PCOLCE2: variants seen among roughly 807,000 people sequenced by gnomAD.
The protein encoded by PCOLCE2 is procollagen C-proteinase enhancer 2.
A neutral mutation model predicts 47.0 loss-of-function variants in PCOLCE2; 42 were observed. That is an observed-to-expected ratio of 0.89 (90% CI 0.70 to 1.16). The LOEUF is 1.16. PCOLCE2 is among the 50% of genes most tolerant of loss of function. The pLI is 0.00. For synonymous variants in PCOLCE2, 169 were observed against 191.7 expected (o/e 0.88, Z 0.98); for missense variants, 500 against 526.1 (o/e 0.95, Z 0.49).
chr3:142,826,952 A>C (rs1937086794), intron 6 of PCOLCE2: 2 of 479,124 alleles, frequency 4.2e-6, no homozygotes, highest in Admixed American at 3.5e-5. Flanking sequence ...AAGTTTCTAG[A>C]GGGTTAATCT....
chr3:142,832,037 A>G (rs1937157305), intron 5 of PCOLCE2, among the ~76,000 whole-genome samples: 2 of 152,260 alleles, frequency 1.3e-5, no homozygotes, highest in African/African-American at 4.8e-5. Flanking sequence ...GCAAATCCCA[A>G]GAACGGACTG....
chr3:142,820,029 G>A (rs1409300907), intron 8 of PCOLCE2, among the ~76,000 whole-genome samples: 1 of 152,064 alleles, frequency 6.6e-6, no homozygotes, highest in African/African-American at 2.4e-5. Flanking sequence ...AAAAATTGCA[G>A]AACTTGTGTG....
chr3:142,854,508 C>T (rs1238930974), intron 2 of PCOLCE2, among the ~76,000 whole-genome samples: 1 of 152,172 alleles, frequency 6.6e-6, no homozygotes, highest in Non-Finnish European at 1.5e-5. Flanking sequence ...TATTTCAATA[C>T]TACTCTTGTA....
intron 2 of PCOLCE2, chr3:142,887,345 A>G (rs1185916667): frequency 5.0e-6 from 1 of 198,754 alleles, no homozygotes; most frequent in East Asian, 1.2e-4. Flanking sequence ...TATGAAGGTC[A>G]TTACAACAGG....
chr3:142,843,257 A>G, intron 3 of PCOLCE2: 1 of 641,662 alleles, frequency 1.6e-6, no homozygotes, highest in Non-Finnish European at 2.9e-6. Context: ...GACATAGCAT[A>G]GCAACACGAG....
At chr3:142,857,723 G>A (rs1264945706) in intron 2 of PCOLCE2, among the ~76,000 whole-genome samples, 1 of 152,182 alleles carries the variant, frequency 6.6e-6, no homozygotes, top group Non-Finnish European at 1.5e-5. Flanking sequence ...CTCCTCTAAT[G>A]TTTGAAGCTG....
chr3:142,826,198 G>T (rs1017383577), intron 6 of PCOLCE2, among the ~76,000 whole-genome samples: 6 of 151,822 alleles, frequency 4.0e-5, no homozygotes, highest in African/African-American at 1.5e-4. Context: ...TAGTAGAGGC[G>T]GGGTTTCACC....
At chr3:142,856,567 A>C (rs1039374373) in intron 2 of PCOLCE2, among the ~76,000 whole-genome samples, 3 of 152,206 alleles carry the variant, frequency 2.0e-5, no homozygotes, top group African/African-American at 7.2e-5. Flanking sequence ...TGCCAAGTGG[A>C]AAGGCAAATG....
intron 6 of PCOLCE2, among the ~76,000 whole-genome samples, chr3:142,825,511 C>T (rs1400429115): frequency 6.6e-6 from 1 of 152,142 alleles, no homozygotes; most frequent in Admixed American, 6.6e-5. Flanking sequence ...CTTTCCTAGA[C>T]ACTCAGTTCC....
chr3:142,878,616 T>C lies in PCOLCE2; in HGVS notation c.192+9053A>G, dbSNP rs368560619. On this transcript the variant is annotated intron_variant, in intron 2 of 8. Coordinates refer to ENST00000295992, the MANE Select transcript of PCOLCE2 (RefSeq NM_013363.4). ...CAATGTGGGAAAAGAAATCCCACTT[T>C]GGGAGACCAAGGCGGGCCGACTGAC... is the stretch of plus-strand genomic sequence containing the variant. 3.9e-5 allele frequency among the ~76,000 whole-genome samples: 6 copies of C among 152,176 alleles called. No homozygotes were observed. The South Asian group carries it at 6.2e-4, about 16-fold the overall frequency.
At chr3:142,851,904 G>A (rs1184431740) in intron 2 of PCOLCE2, among the ~76,000 whole-genome samples, 1 of 152,138 alleles carries the variant, frequency 6.6e-6, no homozygotes, top group Admixed American at 6.5e-5. Flanking sequence ...TTAACTACAG[G>A]ACTTGGATGC....
intron 4 of PCOLCE2, among the ~76,000 whole-genome samples, chr3:142,839,368 A>C (rs1937239837): frequency 6.6e-6 from 1 of 151,822 alleles, no homozygotes; most frequent in South Asian, 2.1e-4. Flanking sequence ...GCTGGAGTGC[A>C]GTGGTGCAAT....
chr3:142,848,182 T>C, intron 3 of PCOLCE2, 35 bp downstream of exon 3: 1 of 1,602,122 alleles, frequency 6.2e-7, no homozygotes. Context: ...TGAACCAACA[T>C]TACTGTTGTT....
intron 2 of PCOLCE2, among the ~76,000 whole-genome samples, chr3:142,865,187 G>T (rs764154298): frequency 6.6e-6 from 1 of 151,280 alleles, no homozygotes; most frequent in Non-Finnish European, 1.5e-5. Flanking sequence ...CATCCTAATG[G>T]GTATGAAGTA....
chr3:142,884,760 GCACCTCTGTCCTCAA>G (rs1933688751), intron 2 of PCOLCE2, among the ~76,000 whole-genome samples: 1 of 152,254 alleles, frequency 6.6e-6, no homozygotes, highest in African/African-American at 2.4e-5. Context: ...GCAGCACAGA[GCACCTCTGTCCTCAA>G]CATTTTACGT....
intron 6 of PCOLCE2, among the ~76,000 whole-genome samples, chr3:142,827,990 C>T (rs1937104763): frequency 6.6e-6 from 1 of 152,190 alleles, no homozygotes; most frequent in Admixed American, 6.5e-5. Flanking sequence ...TCACCAAGGC[C>T]TGTCACTGTT....
intron 2 of PCOLCE2, 42 bp from the exon 3 acceptor site, chr3:142,848,514 A>G (rs748489900): frequency 1.1e-5 from 17 of 1,537,224 alleles, no homozygotes; most frequent in South Asian, 4.8e-5. Context: ...CATGAAAACA[A>G]TATCTGAGGC....
At chr3:142,845,418 A>G (rs1937315805) in intron 3 of PCOLCE2, among the ~76,000 whole-genome samples, 1 of 152,250 alleles carries the variant, frequency 6.6e-6, no homozygotes, top group African/African-American at 2.4e-5. Context: ...AGATACATGT[A>G]AAGAAATTAA....
rs1215870674 is a variant in PCOLCE2, at chr3:142,842,554, A to G, written c.573+370T>C. 6.6e-6 allele frequency among the ~76,000 whole-genome samples: 1 copy of G among 152,050 alleles called. No homozygotes were observed. The highest frequency in any genetic ancestry group is 1.5e-5 in the Non-Finnish European group (1 of 68,014). Reference sequence around the variant, plus strand: ...GGAGTTTGAGACCAGCCTGACCAACATGGAGAAACTCTGTCTCTACTAAAA... The same window carrying G: ...GGAGTTTGAGACCAGCCTGACCAACGTGGAGAAACTCTGTCTCTACTAAAA... On this transcript the variant is annotated intron_variant, in intron 4 of 8. Coordinates refer to ENST00000295992, the MANE Select transcript of PCOLCE2 (RefSeq NM_013363.4). The surrounding 1 kb of genome is among the most constrained non-coding windows in gnomAD (Gnocchi z 4.1).
Sources: allele counts gnomAD v4.1 joint callset (sites outside exome capture counted in the v4.1 genomes callset), GRCh38; gene constraint gnomAD v4.1.1; non-coding constraint Gnocchi (gnomAD v3.1); transcripts MANE v1.5; gene names NCBI Gene and HGNC (gene_info 2026-07-23, HGNC 2026-07-21).